KHDRBS2: variants seen among roughly 807,000 people sequenced by gnomAD.
The protein encoded by KHDRBS2 is KH RNA binding domain containing, signal transduction associated 2.
A neutral mutation model predicts 44.3 loss-of-function variants in KHDRBS2; 26 were observed. The ratio of observed to expected loss-of-function variants is 0.59; its 90% confidence interval spans 0.43 to 0.81. The LOEUF is 0.81. Ranked by LOEUF, KHDRBS2 falls within the 40% of genes least tolerant of loss-of-function variation. The probability of loss-of-function intolerance (pLI) is 0.00; values close to 1 mark genes in which losing one functional copy is unlikely to be tolerated. For synonymous variants in KHDRBS2, 194 were observed against 151.1 expected (o/e 1.28, Z -2.08); for missense variants, 476 against 433.1 (o/e 1.10, Z -0.88).
the KHDRBS2 span, among the ~76,000 whole-genome samples, chr6:61,571,119 C>T: frequency 6.6e-6 from 1 of 151,914 alleles, no homozygotes; most frequent in Non-Finnish European, 1.5e-5. Context: ...TTAAAAGATA[C>T]AGAATGGCAG....
chr6:61,708,450 C>A (rs1172572722), intron 7 of KHDRBS2, among the ~76,000 whole-genome samples: 1 of 151,454 alleles, frequency 6.6e-6, no homozygotes, highest in African/African-American at 2.4e-5. Flanking sequence ...CTGGCTCTCA[C>A]AGACTAACAA....
At chr6:61,584,032 TA>T in the KHDRBS2 span, among the ~76,000 whole-genome samples, 2 of 151,740 alleles carry the variant, frequency 1.3e-5, no homozygotes, top group Non-Finnish European at 3.0e-5. Context: ...CATACATAAA[TA>T]CAACTGATAT....
chr6:62,045,292 T>C (rs1787433574), intron 3 of KHDRBS2, among the ~76,000 whole-genome samples: 1 of 152,042 alleles, frequency 6.6e-6, no homozygotes, highest in Non-Finnish European at 1.5e-5. Flanking sequence ...GTTGTCATAA[T>C]AGTTTTAGAT....
chr6:61,955,546 A>ATAAG (rs1491394398), intron 4 of KHDRBS2, among the ~76,000 whole-genome samples: 1 of 22,964 alleles, frequency 4.4e-5, no homozygotes, highest in African/African-American at 1.2e-4. Flanking sequence ...ATATATACAC[A>ATAAG]TATGTATGTA....
At chr6:61,916,901 C>T (rs142612946) in intron 4 of KHDRBS2, among the ~76,000 whole-genome samples, 16 of 148,652 alleles carry the variant, frequency 1.1e-4, no homozygotes, top group South Asian at 4.2e-4. Context: ...TATTAGAATA[C>T]GGAAAATCCA....
At chr6:61,581,026 T>C in the KHDRBS2 span, among the ~76,000 whole-genome samples, 1 of 152,202 alleles carries the variant, frequency 6.6e-6, no homozygotes, top group Non-Finnish European at 1.5e-5. Flanking sequence ...ACTTTAAATC[T>C]ACGTTATCAG....
At chr6:61,954,978 GTA>G (rs1766183390) in intron 4 of KHDRBS2, among the ~76,000 whole-genome samples, 5 of 78,774 alleles carry the variant, frequency 6.3e-5, no homozygotes, top group South Asian at 4.4e-4. Flanking sequence ...GCATACATAT[GTA>G]TGTGTATACA....
intron 6 of KHDRBS2, among the ~76,000 whole-genome samples, chr6:61,785,593 C>A (rs1783680115): frequency 6.6e-6 from 1 of 151,968 alleles, no homozygotes; most frequent in South Asian, 2.1e-4. Flanking sequence ...AAATAACTGT[C>A]TATGGGATTG....
intron 2 of KHDRBS2, among the ~76,000 whole-genome samples, chr6:62,073,530 C>CTTTTTTTTTTTTTTTT (rs60124030): frequency 7.2e-5 from 9 of 124,410 alleles, no homozygotes; most frequent in African/African-American, 9.1e-5. Flanking sequence ...TTTCTTTTTT[C>CTTTTTTTTTTTTTTTT]TTTTTTTTTT....
intron 1 of KHDRBS2, 130 bp from the exon 2 acceptor site, chr6:62,177,442 T>C (rs774371955): frequency 1.4e-6 from 1 of 701,318 alleles, no homozygotes; most frequent in Admixed American, 3.0e-5. Flanking sequence ...TGAATATTGA[T>C]AAAAGGCCTG....
chr6:61,570,690 G>A, the KHDRBS2 span, among the ~76,000 whole-genome samples: 1 of 152,070 alleles, frequency 6.6e-6, no homozygotes, highest in Non-Finnish European at 1.5e-5. Context: ...ATAACCTATA[G>A]AGGAAAACCT....
intron 4 of KHDRBS2, among the ~76,000 whole-genome samples, chr6:61,925,725 C>CTCTCAAAAA (rs1808838402): frequency 1.1e-5 from 1 of 89,232 alleles, no homozygotes; most frequent in Non-Finnish European, 2.4e-5. Context: ...CTCTCTCTCT[C>CTCTCAAAAA]AAAAAAAAAA....
At chr6:61,901,514 A>C in intron 4 of KHDRBS2, 143 bp from the exon 5 acceptor site, 1 of 637,992 alleles carries the variant, frequency 1.6e-6, no homozygotes, top group Non-Finnish European at 2.6e-6. Context: ...CAAAAATATA[A>C]AATGATATTA....
intron 2 of KHDRBS2, among the ~76,000 whole-genome samples, 192 bp downstream of exon 2, chr6:62,176,993 C>G (rs1312195074): frequency 1.3e-5 from 2 of 151,242 alleles, no homozygotes; most frequent in African/African-American, 4.8e-5. Flanking sequence ...AATGCTGTAG[C>G]CTTCAGTTGA....
intron 1 of KHDRBS2, among the ~76,000 whole-genome samples, chr6:62,243,629 T>C (rs541974811): frequency 6.6e-6 from 1 of 151,370 alleles, no homozygotes; most frequent in South Asian, 2.1e-4. Context: ...CTCATTATAC[T>C]AAGAACAAAG....
chr6:61,548,644 C>T, the KHDRBS2 span, among the ~76,000 whole-genome samples: 1 of 152,038 alleles, frequency 6.6e-6, no homozygotes, highest in African/African-American at 2.4e-5. Flanking sequence ...ATTCATTTTA[C>T]AGCTTTGTCT....
At chr6:61,596,971 T>C in the KHDRBS2 span, among the ~76,000 whole-genome samples, 3 of 152,270 alleles carry the variant, frequency 2.0e-5, no homozygotes, top group East Asian at 5.8e-4. Context: ...TCCAAAGGGA[T>C]GACTCTTAGG....
chr6:61,839,683 G>A (rs1368921134), intron 6 of KHDRBS2, among the ~76,000 whole-genome samples: 1 of 152,096 alleles, frequency 6.6e-6, no homozygotes, highest in Non-Finnish European at 1.5e-5. Flanking sequence ...TGAAGAGAAT[G>A]TAGGGAAAAC....
the KHDRBS2 span, among the ~76,000 whole-genome samples, chr6:61,618,667 C>T: frequency 2.8e-4 from 42 of 152,214 alleles, no homozygotes; most frequent in African/African-American, 9.2e-4. Flanking sequence ...TGTTCCTTTC[C>T]GTCTGTACAT....
Sources: allele counts gnomAD v4.1 joint callset (sites outside exome capture counted in the v4.1 genomes callset), GRCh38; gene constraint gnomAD v4.1.1; transcripts MANE v1.5; gene names NCBI Gene and HGNC (gene_info 2026-07-23, HGNC 2026-07-21).